RADIL: variants seen among roughly 807,000 people sequenced by gnomAD.
The protein encoded by RADIL is Rap associating with DIL domain, also known as ras-associating and dilute domain-containing protein.
In RADIL, 99 loss-of-function variants were observed where a neutral mutation model predicts 97.6. That is an observed-to-expected ratio of 1.01 (90% CI 0.86 to 1.20). RADIL has a LOEUF of 1.20. Among genes scored for constraint, RADIL ranks in the 50% most tolerant of loss-of-function variants. The pLI, the probability that RADIL is intolerant of heterozygous loss-of-function variation, is 0.00. For missense variants in RADIL, 1,765 were observed against 1,498.9 expected (o/e 1.18, Z -2.93); for synonymous variants, 803 against 691.8 (o/e 1.16, Z -2.52).
chr7:4,868,071 T>A (rs1300193567), intron 2 of RADIL, among the ~76,000 whole-genome samples: 1 of 152,200 alleles, frequency 6.6e-6, no homozygotes, highest in African/African-American at 2.4e-5. Context: ...GAACTGTGTT[T>A]TTTTTTTCTG....
Position 4,816,360 on chromosome 7 carries a change from C to T in RADIL, c.1834G>A (p.Val612Met), listed in dbSNP as rs766848526. The T allele has an allele frequency of 1.5e-5, 24 of 1,611,262 alleles. No individual in the cohort carries two copies. Among genetic ancestry groups the T allele is most frequent in the Non-Finnish European group, 2.0e-5 (24 of 1,179,404 alleles). ...APELPEELRRVVSVYQAALDL... is the reference protein window; with the variant it reads ...APELPEELRRMVSVYQAALDL... ...AGGGCTGCCTGGTACACAGACACCA[C>T]GCGGCGCAGCTCCTCGGGCAGTTCG... The change falls in exon 8 of 15, where the codon GTG becomes ATG. Residue 612 changes from valine to methionine, a missense_variant. Val to Met is a conservative substitution (Grantham distance 21). Coordinates refer to ENST00000399583, the MANE Select transcript of RADIL (RefSeq NM_018059.5).
At chr7:4,861,792 T>A in intron 2 of RADIL, 1 of 1,454,012 alleles carries the variant, frequency 6.9e-7, no homozygotes, top group Non-Finnish European at 9.0e-7. Flanking sequence ...CCCTGGGTTG[T>A]CACCGGAAAC....
Position 4,875,675 on chromosome 7 carries a change from A to T in RADIL, c.535+1930T>A, listed in dbSNP as rs185962210. Among the ~76,000 whole-genome samples, 722 of 152,340 alleles carry T rather than the reference A, an allele frequency of 4.7e-3. 6 individuals are homozygous for T. The highest frequency in any genetic ancestry group is 0.017 in the African/African-American group (692 of 41,586). ...GCTTGGCAGAGGCAACGCATGGTGGAAGAATGACCGAAATTCTGTGTCTGA... is the reference window on the plus strand; with the variant it reads ...GCTTGGCAGAGGCAACGCATGGTGGTAGAATGACCGAAATTCTGTGTCTGA... On this transcript the variant is annotated intron_variant, in intron 2 of 14. Coordinates refer to ENST00000399583, the MANE Select transcript of RADIL (RefSeq NM_018059.5).
chr7:4,802,508 T>TGCTG (rs1782132697), intron 11 of RADIL, among the ~76,000 whole-genome samples: 1 of 116,464 alleles, frequency 8.6e-6, no homozygotes. Flanking sequence ...CCTCGGGGCA[T>TGCTG]GCTGGATGGA....
In RADIL at chr7:4,834,062, G is replaced by A. The variant is rs1416929258; in HGVS notation, c.1416+545C>T. On this transcript the variant is annotated intron_variant, in intron 4 of 14. Coordinates refer to ENST00000399583, the MANE Select transcript of RADIL (RefSeq NM_018059.5). This position sits in a 1 kb window ranked among gnomAD's most constrained non-coding sequence, Gnocchi z 6.0. The stretch of plus-strand genomic sequence containing the variant: ...AGTGTCCACAGGGCCGGGGATGAGA[G>A]AGGCTGGCCTGGAGGAAAGTTCGTC... Among the ~76,000 whole-genome samples the A allele has an allele frequency of 6.6e-6, 1 of 152,202 alleles. No individual in the cohort carries two copies. Among genetic ancestry groups the A allele is most frequent in the Non-Finnish European group, 1.5e-5 (1 of 68,036 alleles).
At position 4,818,067 on chromosome 7, in the gene RADIL, T is replaced by G. The variant is rs1329968134; in HGVS notation, c.1616-716A>C. 1.3e-5 allele frequency among the ~76,000 whole-genome samples: 2 copies of G among 152,166 alleles called. No homozygotes were observed. The highest frequency in any genetic ancestry group is 2.4e-5 in the African/African-American group (1 of 41,440). On this transcript the variant is annotated intron_variant, in intron 6 of 14. Transcript: ENST00000399583. The surrounding 1 kb of genome is among the most constrained non-coding windows in gnomAD (Gnocchi z 7.1). Reference sequence around the variant, plus strand: ...GTTCCGCCTTTGGGCGCCTTCATTCTCTCCTGGGACTGTGGGCGGCCAACC... The same window carrying G: ...GTTCCGCCTTTGGGCGCCTTCATTCGCTCCTGGGACTGTGGGCGGCCAACC...
chr7:4,836,662 G>A (rs2115004225), intron 2 of RADIL, 57 bp from the exon 3 acceptor site: 4 of 1,594,772 alleles, frequency 2.5e-6, no homozygotes, highest in Non-Finnish European at 3.4e-6. Flanking sequence ...CCAGGACTGG[G>A]CGCGGTGGCT....
At chr7:4,833,936 G>A (rs1047215706) in intron 4 of RADIL, among the ~76,000 whole-genome samples, 1 of 152,154 alleles carries the variant, frequency 6.6e-6, no homozygotes, top group Non-Finnish European at 1.5e-5. Flanking sequence ...TGTGTGGCGG[G>A]GCGGCAGAGG....
intron 5 of RADIL, among the ~76,000 whole-genome samples, chr7:4,823,392 A>C (rs1280501962): frequency 6.9e-6 from 1 of 145,670 alleles, no homozygotes; most frequent in African/African-American, 2.6e-5. Flanking sequence ...CTGCTCTTGA[A>C]CTCCTAGCCT....
chr7:4,816,703 G>C (rs1439273440), intron 7 of RADIL, among the ~76,000 whole-genome samples: 2 of 152,122 alleles, frequency 1.3e-5, no homozygotes, highest in African/African-American at 4.8e-5. Context: ...AGGGGGATCT[G>C]CTGTCGGAGG....
chr7:4,833,204 C>A (rs918612071), intron 4 of RADIL, among the ~76,000 whole-genome samples: 11 of 152,192 alleles, frequency 7.2e-5, no homozygotes, highest in Admixed American at 7.2e-4. Context: ...CTTCAGTTTC[C>A]CTGGCTGTGA....
Position 4,816,285 on chromosome 7 carries a change from G to C in RADIL, c.1909C>G (p.Leu637Val). Residue 637 changes from leucine (L) to valine (V), a missense_variant, in exon 8 of 15, where the codon CTC becomes GTC. Physicochemically the swap from Leu to Val is conservative, Grantham distance 32 (BLOSUM62 1). Coordinates refer to ENST00000399583, the MANE Select transcript of RADIL (RefSeq NM_018059.5). ...CCGGAGAAGAAGAAGAGGTAGGCGA[G>C]CATCTGCGAGGCCACCTCGGGGTGC... ...QVHPEVASQM[L>V]AYLFFFSGTL... 6.2e-7 allele frequency: 1 copy of C among 1,612,842 alleles called. No homozygotes were observed.
chr7:4,798,146 T>A lies in RADIL; in HGVS notation c.*1232A>T, dbSNP rs1389076151. On this transcript the variant is annotated 3_prime_UTR_variant, in exon 15 of 15. Transcript: ENST00000399583. The stretch of plus-strand genomic sequence containing the variant: ...AATATATATACAAACACTATATATA[T>A]ATATATATTTTATCCAGTATTTTGG... 3 of 149,396 alleles carry A rather than the reference T, an allele frequency of 2.0e-5. No homozygotes were observed. The highest frequency in any genetic ancestry group is 3.0e-5 in the Non-Finnish European group (2 of 67,502). The allele number at this position is 149,396 out of a possible 1,614,324, so 9.3% of individuals were successfully genotyped here. A position where few individuals can be genotyped will look rare whatever the true frequency, so the allele number is the denominator to read the frequency against.
chr7:4,841,856 T>C (rs946387060), intron 2 of RADIL, among the ~76,000 whole-genome samples: 1 of 151,900 alleles, frequency 6.6e-6, no homozygotes, highest in African/African-American at 2.4e-5. Context: ...ATGGCTTGGG[T>C]TCAAGCCGAG....
rs1024219245 is a variant in RADIL at position 4,816,260 on chromosome 7, C to T, written c.1934G>A (p.Gly645Glu). The T allele has an allele frequency of 1.2e-6, 2 of 1,612,556 alleles. No homozygotes were observed. The highest frequency in any genetic ancestry group is 1.7e-6 in the Non-Finnish European group (2 of 1,179,674). The change falls in exon 8 of 15, where the codon GGG (glycine) becomes GAG (glutamate). Residue 645 changes from glycine to glutamate, a missense_variant. Coordinates refer to ENST00000399583, the MANE Select transcript of RADIL (RefSeq NM_018059.5). ...QMLAYLFFFS[G>E]TLLLNQLLDR... ...GAGGAGCTGGTTGAGAAGCAGTGTC[C>T]CGGAGAAGAAGAAGAGGTAGGCGAG...
Position 4,834,555 on chromosome 7 carries a change from C to T in RADIL, c.1416+52G>A. Reference sequence around the variant, plus strand: ...CCAGCCGGGGCCAGCTCCGGGCCCCCTCTTCCCCCAGACCGGCACAGGACC... The same window carrying T: ...CCAGCCGGGGCCAGCTCCGGGCCCCTTCTTCCCCCAGACCGGCACAGGACC... On this transcript the variant is annotated intron_variant, in intron 4 of 14. Transcript: ENST00000399583. The surrounding 1 kb of genome is among the most constrained non-coding windows in gnomAD (Gnocchi z 6.0). 7.7e-7 allele frequency: 1 copy of T among 1,297,534 alleles called. No homozygotes were observed. Among genetic ancestry groups the T allele is most frequent in the South Asian group, 3.3e-5 (1 of 30,426 alleles). The allele number at this position is 1,297,534 out of a possible 1,614,324, so 80.4% of individuals were successfully genotyped here.
rs913086945 is a variant in RADIL, at chr7:4,854,328, T to C, written c.536-17723A>G. Among the ~76,000 whole-genome samples the C allele has an allele frequency of 6.6e-6, 1 of 152,082 alleles. No homozygotes were observed. Among genetic ancestry groups the C allele is most frequent in the Admixed American group, 6.5e-5 (1 of 15,270 alleles). On this transcript the variant is annotated intron_variant, in intron 2 of 14. Coordinates refer to ENST00000399583, the MANE Select transcript of RADIL (RefSeq NM_018059.5). The surrounding 1 kb of genome is among the most constrained non-coding windows in gnomAD (Gnocchi z 5.1). ...CAATTCCAAACTGATGAGGGGGCAT[T>C]AGGTGGGGTTTTCTGTTTGCTTTTG...
rs370475766 is a variant in RADIL, at chr7:4,813,248, G to A, written c.2139+2030C>T. Reference sequence around the variant, plus strand: ...CCTACCTCAACCTCCCAAGTAGCTGGCACTACAGGCGTTTGCCCCATGCCT... The same window carrying A: ...CCTACCTCAACCTCCCAAGTAGCTGACACTACAGGCGTTTGCCCCATGCCT... On this transcript the variant is annotated intron_variant, in intron 9 of 14. Coordinates refer to ENST00000399583, the MANE Select transcript of RADIL (RefSeq NM_018059.5). This position sits in a 1 kb window ranked among gnomAD's most constrained non-coding sequence, Gnocchi z 5.0. 6.6e-6 allele frequency among the ~76,000 whole-genome samples: 1 copy of A among 152,184 alleles called. No homozygotes were observed. The highest frequency in any genetic ancestry group is 1.9e-4 in the East Asian group (1 of 5,168).
At chr7:4,810,629 C>T (rs1782514290) in intron 9 of RADIL, among the ~76,000 whole-genome samples, 1 of 152,206 alleles carries the variant, frequency 6.6e-6, no homozygotes, top group African/African-American at 2.4e-5. Context: ...CGGGCCGTGG[C>T]GAGGGACCCA....
Sources: gnomAD v4.1 joint callset for allele counts (sites outside exome capture counted in the v4.1 genomes callset) on GRCh38, gnomAD v4.1.1 for gene constraint, Gnocchi (gnomAD v3.1) non-coding constraint, MANE v1.5 for transcripts, NCBI Gene and HGNC (gene_info 2026-07-23, HGNC 2026-07-21) for gene names.